Variants in CRYL1 observed in about 807,000 individuals in gnomAD.
CRYL1 encodes the protein crystallin lambda 1.
A neutral mutation model predicts 36.6 loss-of-function variants in CRYL1; 29 were observed. The ratio of observed to expected loss-of-function variants is 0.79; its 90% CI spans 0.59 to 1.08. CRYL1 has a LOEUF of 1.08. Ranked by LOEUF, CRYL1 falls within the 50% of genes least tolerant of loss-of-function variation. The probability of loss-of-function intolerance (pLI) is 0.00; values close to 1 mark genes in which losing one functional copy is unlikely to be tolerated. For missense variants in CRYL1, 411 were observed against 407.9 expected (o/e 1.01, Z -0.06); for synonymous variants, 152 against 151.5 (o/e 1.00, Z -0.02).
chr13:20,441,301 G>A (rs540673302), intron 3 of CRYL1, among the ~76,000 whole-genome samples: 1 of 152,306 alleles, frequency 6.6e-6, no homozygotes. Context: ...GTCTCTGGGG[G>A]TGGGTTCCAG....
At position 20,434,505 on chromosome 13, in the gene CRYL1, A is replaced by G. The variant is rs181409621; in HGVS notation, c.439-2209T>C. Among the ~76,000 whole-genome samples, 813 of 151,816 alleles carry G rather than the reference A, an allele frequency of 5.4e-3. 8 individuals carry two copies. The highest frequency in any genetic ancestry group is 0.018 in the African/African-American group (739 of 41,368). On this transcript the variant is annotated intron_variant, in intron 4 of 7. Transcript: ENST00000298248. ...TCGGGGGAAGGATTGAAAAAAGGGA[A>G]CTCTGATAGGACAGAAATGGAACAG...
chr13:20,510,756 G>C lies in CRYL1; in HGVS notation c.149+1687C>G, dbSNP rs187131910. Among the ~76,000 whole-genome samples, 152 of 152,048 alleles carry C rather than the reference G, an allele frequency of 1.0e-3. 1 individual carries two copies. Among genetic ancestry groups the C allele is most frequent in the African/African-American group, 3.4e-3 (139 of 41,476 alleles). On this transcript the variant is annotated intron_variant, in intron 2 of 7. Coordinates refer to ENST00000298248, the MANE Select transcript of CRYL1 (RefSeq NM_015974.3). ...GCCTCTCGAGTAGCTGGGATTACAG[G>C]TGCCCGCCACCATGCCCAGATAATT...
At chr13:20,507,208 G>C (rs186528545) in intron 2 of CRYL1, among the ~76,000 whole-genome samples, 11 of 152,286 alleles carry the variant, frequency 7.2e-5, no homozygotes, top group Non-Finnish European at 1.3e-4. Context: ...ACTAATACCG[G>C]ATGGTTTTTA....
intron 3 of CRYL1, among the ~76,000 whole-genome samples, chr13:20,454,201 T>A (rs1173356366): frequency 3.3e-5 from 5 of 151,936 alleles, no homozygotes; most frequent in African/African-American, 4.8e-5. Context: ...GGAAAAAAAA[T>A]CTATTCCAAA....
At chr13:20,459,031 C>G (rs887584219) in intron 3 of CRYL1, among the ~76,000 whole-genome samples, 1 of 152,068 alleles carries the variant, frequency 6.6e-6, no homozygotes, top group Non-Finnish European at 1.5e-5. Flanking sequence ...GTCAGGAGAT[C>G]AAGACCATCC....
chr13:20,490,977 C>T (rs1167218052), intron 2 of CRYL1, among the ~76,000 whole-genome samples: 1 of 152,226 alleles, frequency 6.6e-6, no homozygotes, highest in Admixed American at 6.5e-5. Flanking sequence ...ACAATCATGA[C>T]TCGCCATAGC....
chr13:20,485,711 T>A (rs1239849544), intron 3 of CRYL1, among the ~76,000 whole-genome samples: 15 of 123,148 alleles, frequency 1.2e-4, no homozygotes, highest in East Asian at 7.1e-4. Context: ...AGAAAAGAAA[T>A]GTGTAAACAT....
At chr13:20,493,130 G>A (rs2033542719) in intron 2 of CRYL1, among the ~76,000 whole-genome samples, 1 of 152,240 alleles carries the variant, frequency 6.6e-6, no homozygotes, top group Non-Finnish European at 1.5e-5. Context: ...CTCTAGATTA[G>A]CAAGACTGAG....
intron 3 of CRYL1, among the ~76,000 whole-genome samples, chr13:20,462,087 G>GCCTGGTGGGAGGGATGGGGTGGGAGGACT (rs1555229510): frequency 1.4e-4 from 1 of 7,368 alleles, no homozygotes; most frequent in African/African-American, 3.1e-4. Flanking sequence ...GTGGGAGGAC[G>GCCTGGTGGGAGGGATGGGGTGGGAGGACT]GCCTGGTGAG....
Position 20,525,846 on chromosome 13 carries a change from G to A in CRYL1, c.-52C>T, listed in dbSNP as rs1012666930. On this transcript the variant is annotated 5_prime_UTR_variant, in exon 1 of 8. Coordinates refer to ENST00000298248, the MANE Select transcript of CRYL1 (RefSeq NM_015974.3). The surrounding 1 kb of genome is among the most constrained non-coding windows in gnomAD (Gnocchi z 4.3). ...GGCGCTGGGACCAGGCGCCGGCGGA[G>A]CTGCGAGCTCTGGGCTCCGGGGAGG... 5.9e-5 allele frequency: 71 copies of A among 1,206,292 alleles called. No homozygotes were observed. The highest frequency in any genetic ancestry group is 7.0e-5 in the Non-Finnish European group (68 of 968,758). The allele number at this position is 1,206,292 out of a possible 1,614,324, so 74.7% of individuals were successfully genotyped here. A position where few individuals can be genotyped will look rare whatever the true frequency, so the allele number is the denominator to read the frequency against.
intron 1 of CRYL1, among the ~76,000 whole-genome samples, chr13:20,523,551 A>G (rs2034133906): frequency 6.6e-6 from 1 of 152,194 alleles, no homozygotes; most frequent in Non-Finnish European, 1.5e-5. Context: ...TTGGCAAATT[A>G]ATTGACATTC....
At chr13:20,478,962 C>A (rs996325137) in intron 3 of CRYL1, among the ~76,000 whole-genome samples, 34 of 151,566 alleles carry the variant, frequency 2.2e-4, no homozygotes, top group Admixed American at 1.1e-3. Context: ...CGGGGTTTCA[C>A]CATGTTGGCC....
intron 2 of CRYL1, among the ~76,000 whole-genome samples, chr13:20,511,825 T>G (rs1046825810): frequency 6.6e-6 from 1 of 152,186 alleles, no homozygotes; most frequent in African/African-American, 2.4e-5. Flanking sequence ...CAGCCTTTCT[T>G]TGGTTCCCGT....
At chr13:20,482,969 C>A (rs1251555258) in intron 3 of CRYL1, among the ~76,000 whole-genome samples, 3 of 152,078 alleles carry the variant, frequency 2.0e-5, no homozygotes, top group Non-Finnish European at 4.4e-5. Context: ...TGTTCTCACT[C>A]ATGTAGGGGA....
At position 20,508,848 on chromosome 13, in the gene CRYL1, C is replaced by CA. The variant is rs1179533995; in HGVS notation, c.149+3594dup. Among the ~76,000 whole-genome samples the CA allele has an allele frequency of 9.1e-3, 95 of 10,444 alleles. 11 individuals are homozygous for CA. The highest frequency in any genetic ancestry group is 0.029 in the African/African-American group (92 of 3,132). 6.9% of individuals were successfully genotyped at this position (10,444 alleles called of 152,430 possible). A position where few individuals can be genotyped will look rare whatever the true frequency, so the allele number is the denominator to read the frequency against. Reference sequence around the variant, plus strand: ...CGGCCTAGGTGGCAGAGCGAGACTCCAAAAAAAAAAAAAAAAAAAAAAAAA... The same window carrying CA: ...CGGCCTAGGTGGCAGAGCGAGACTCCAAAAAAAAAAAAAAAAAAAAAAAAAA... On this transcript the variant is annotated intron_variant, in intron 2 of 7. Coordinates refer to ENST00000298248, the MANE Select transcript of CRYL1 (RefSeq NM_015974.3).
At chr13:20,417,854 A>C (rs1258726411) in intron 5 of CRYL1, among the ~76,000 whole-genome samples, 5 of 152,232 alleles carry the variant, frequency 3.3e-5, no homozygotes, top group African/African-American at 9.7e-5. Flanking sequence ...CTATGAAACA[A>C]ATGTTAAGTC....
intron 4 of CRYL1, among the ~76,000 whole-genome samples, chr13:20,437,557 T>G (rs2032258048): frequency 6.6e-6 from 1 of 152,156 alleles, no homozygotes; most frequent in Non-Finnish European, 1.5e-5. Context: ...TCCACCCACC[T>G]CGGCCTCCCA....
chr13:20,504,998 A>G (rs2033767021), intron 2 of CRYL1, among the ~76,000 whole-genome samples: 2 of 152,192 alleles, frequency 1.3e-5, no homozygotes, highest in Non-Finnish European at 2.9e-5. Flanking sequence ...CACACACAGA[A>G]TATTCATGCA....
At chr13:20,522,910 A>ACTTT (rs2034121952) in intron 1 of CRYL1, among the ~76,000 whole-genome samples, 1 of 58,190 alleles carries the variant, frequency 1.7e-5, no homozygotes, top group Non-Finnish European at 4.0e-5. Flanking sequence ...ACCCATTTCT[A>ACTTT]CTTTTTTTTT....
Sources: gnomAD v4.1 joint callset for allele counts (sites outside exome capture counted in the v4.1 genomes callset) on GRCh38, gnomAD v4.1.1 for gene constraint, Gnocchi (gnomAD v3.1) non-coding constraint, MANE v1.5 for transcripts, NCBI Gene and HGNC (gene_info 2026-07-23, HGNC 2026-07-21) for gene names.